The following RPH3A variants were observed in gnomAD, a reference collection of about 807,000 sequenced individuals.
The protein encoded by RPH3A is rabphilin-3A.
Under a neutral mutation model 102.2 loss-of-function variants are expected in RPH3A, and 48 were observed. The ratio of observed to expected loss-of-function variants is 0.47; its 90% CI spans 0.37 to 0.60. RPH3A has a LOEUF of 0.60. Ranked by LOEUF, RPH3A falls within the 20% of genes least tolerant of loss-of-function variation. The pLI is 0.00. For synonymous variants in RPH3A, 310 were observed against 324.3 expected (o/e 0.96, Z 0.47); for missense variants, 781 against 910.1 (o/e 0.86, Z 1.83).
chr12:112,887,171 T>C (rs1345402561), intron 16 of RPH3A, among the ~76,000 whole-genome samples: 1 of 152,210 alleles, frequency 6.6e-6, no homozygotes, highest in Non-Finnish European at 1.5e-5. Context: ...AATAGAAATA[T>C]GTACATGTAT....
intron 4 of RPH3A, among the ~76,000 whole-genome samples, chr12:112,840,511 C>T (rs2042123850): frequency 6.6e-6 from 1 of 152,112 alleles, no homozygotes; most frequent in Non-Finnish European, 1.5e-5. Flanking sequence ...TCTCAAGCCC[C>T]ACCGCAGACC....
chr12:112,722,120 C>T (rs1454317707), intron 1 of RPH3A, among the ~76,000 whole-genome samples: 3 of 152,204 alleles, frequency 2.0e-5, no homozygotes, highest in Admixed American at 6.5e-5. Flanking sequence ...GAAGACTCTT[C>T]GCCCTGGAAA....
At chr12:112,725,121 C>T (rs7299902) in intron 1 of RPH3A, among the ~76,000 whole-genome samples, 22,149 of 151,540 alleles carry the variant, frequency 0.15, 1,639 homozygotes, top group South Asian at 0.21. Flanking sequence ...TGGTGGCATA[C>T]GCCTGTAATC....
intron 20 of RPH3A, 89 bp from the exon 21 acceptor site, chr12:112,895,688 G>A: frequency 1.2e-6 from 1 of 851,244 alleles, no homozygotes; most frequent in Non-Finnish European, 2.0e-6. Context: ...CCTCTCCTTG[G>A]CCCATAACCC....
chr12:112,601,565 G>T (rs765896515), intron 1 of RPH3A, among the ~76,000 whole-genome samples: 1 of 151,756 alleles, frequency 6.6e-6, no homozygotes, highest in Non-Finnish European at 1.5e-5. Flanking sequence ...AGTACATATA[G>T]ACTATTTTTT....
intron 2 of RPH3A, among the ~76,000 whole-genome samples, chr12:112,806,756 G>A (rs1412263467): frequency 2.0e-5 from 3 of 152,096 alleles, no homozygotes; most frequent in African/African-American, 2.4e-5. Flanking sequence ...CTCAGTGCTG[G>A]GATGTAGTAG....
At chr12:112,847,657 T>A (rs778917745) in intron 4 of RPH3A, 39 bp from the exon 5 acceptor site, 3 of 1,602,102 alleles carry the variant, frequency 1.9e-6, no homozygotes, top group African/African-American at 2.7e-5. Flanking sequence ...GAACTACTAT[T>A]TTCTGCCCAC....
intron 1 of RPH3A, among the ~76,000 whole-genome samples, chr12:112,781,279 G>A (rs892565909): frequency 2.6e-5 from 4 of 152,226 alleles, no homozygotes; most frequent in Admixed American, 2.6e-4. Context: ...GCATTTCCAA[G>A]TGCAGCCAGA....
intron 4 of RPH3A, among the ~76,000 whole-genome samples, chr12:112,847,017 G>A (rs755957180): frequency 3.9e-5 from 6 of 152,290 alleles, no homozygotes; most frequent in South Asian, 2.1e-4. Flanking sequence ...CCCCTGCCTT[G>A]TAGGGGTGAT....
rs2040742507 is a variant in RPH3A at position 112,745,951 on chromosome 12, C to T, written c.-139-46192C>T. Among the ~76,000 whole-genome samples the T allele has an allele frequency of 2.0e-5, 3 of 152,148 alleles. No individual in the cohort carries two copies. The South Asian group carries it at 6.2e-4, about 32-fold the overall frequency. On this transcript the variant is annotated intron_variant, in intron 1 of 21. Coordinates refer to the RPH3A transcript ENST00000543106. ...GAACTGTAGATGCCTCTTTAAGAGG[C>T]AGGAGTGTTTATGAGCTTCCCCGAG...
chr12:112,826,284 T>C (rs575881018), intron 2 of RPH3A, among the ~76,000 whole-genome samples: 2 of 152,106 alleles, frequency 1.3e-5, no homozygotes, highest in South Asian at 4.2e-4. Context: ...AGGAAGGCCT[T>C]TGGGGCTGGG....
chr12:112,628,995 C>T (rs1054974595), intron 1 of RPH3A, among the ~76,000 whole-genome samples: 1 of 152,042 alleles, frequency 6.6e-6, no homozygotes, highest in East Asian at 1.9e-4. Flanking sequence ...TGGGAGAGAA[C>T]CATTTGCCCC....
At chr12:112,834,036 T>C (rs1421524097) in intron 3 of RPH3A, among the ~76,000 whole-genome samples, 1 of 152,192 alleles carries the variant, frequency 6.6e-6, no homozygotes, top group African/African-American at 2.4e-5. Flanking sequence ...TAAAAACATG[T>C]GTATACCCAT....
chr12:112,614,894 C>T (rs1417233430), intron 1 of RPH3A, among the ~76,000 whole-genome samples: 1 of 152,002 alleles, frequency 6.6e-6, no homozygotes, highest in African/African-American at 2.4e-5. Context: ...AAGTGAGCCT[C>T]CTCTCTCAGC....
chr12:112,717,167 T>A (rs2040518831), intron 1 of RPH3A, among the ~76,000 whole-genome samples: 2 of 152,230 alleles, frequency 1.3e-5, no homozygotes, highest in Admixed American at 1.3e-4. Flanking sequence ...GTTTAGTTTT[T>A]ATTTATTTCT....
intron 1 of RPH3A, among the ~76,000 whole-genome samples, chr12:112,602,360 C>A (rs970360239): frequency 6.6e-6 from 1 of 152,102 alleles, no homozygotes; most frequent in African/African-American, 2.4e-5. Flanking sequence ...GCTTGCTGGC[C>A]GCCAGGATCT....
chr12:112,583,967 C>T (rs1272034175), intron 1 of RPH3A, among the ~76,000 whole-genome samples: 1 of 152,122 alleles, frequency 6.6e-6, no homozygotes, highest in African/African-American at 2.4e-5. Flanking sequence ...GCCTGAATGA[C>T]AGAGCGAGAC....
Position 112,791,754 on chromosome 12 carries a change from G to A in RPH3A, c.-398G>A, listed in dbSNP as rs2041105763. On this transcript the variant is annotated 5_prime_UTR_variant, in exon 1 of 22. Transcript: ENST00000389385. ...CGCCCCGCTTCCCTTGCTCACACAGGGCTTTGCAGTAGTGGTGGCAGCCGC... is the reference window on the plus strand; with the variant it reads ...CGCCCCGCTTCCCTTGCTCACACAGAGCTTTGCAGTAGTGGTGGCAGCCGC... The A allele has an allele frequency of 6.6e-6, 1 of 152,002 alleles. No homozygotes were observed. The allele number at this position is 152,002 out of a possible 1,614,324, so 9.4% of individuals were successfully genotyped here. A position where few individuals can be genotyped will look rare whatever the true frequency, so the allele number is the denominator to read the frequency against.
chr12:112,774,611 C>G (rs966404807), intron 1 of RPH3A, among the ~76,000 whole-genome samples: 4 of 152,148 alleles, frequency 2.6e-5, no homozygotes, highest in African/African-American at 9.7e-5. Flanking sequence ...TAAAAAGGAA[C>G]GAGATCATGT....
Sources: allele counts gnomAD v4.1 joint callset (sites outside exome capture counted in the v4.1 genomes callset), GRCh38; gene constraint gnomAD v4.1.1; transcripts MANE v1.5; gene names NCBI Gene and HGNC (gene_info 2026-07-23, HGNC 2026-07-21).